ZFHX4: variants seen among roughly 807,000 people sequenced by gnomAD.
ZFHX4 encodes the protein zinc finger homeobox protein 4.
In ZFHX4, 56 loss-of-function variants were observed where a neutral mutation model predicts 267.6. The ratio of observed to expected loss-of-function variants is 0.21; its 90% confidence interval spans 0.17 to 0.26. ZFHX4 has a LOEUF of 0.26. ZFHX4 is among the 10% of genes least tolerant of loss of function. The probability of loss-of-function intolerance (pLI) is 1.00; values close to 1 mark genes in which losing one functional copy is unlikely to be tolerated. For synonymous variants in ZFHX4, 1,778 were observed against 1,665.6 expected, an observed-to-expected ratio of 1.07 and a Z score of -1.64; for missense variants, 4,332 against 4,420.0, an observed-to-expected ratio of 0.98 and a Z score of 0.56.
chr8:76,753,745 C>T (rs57903130), intron 3 of ZFHX4, among the ~76,000 whole-genome samples: 42,144 of 150,932 alleles, frequency 0.28, 8,072 homozygotes, highest in African/African-American at 0.54. Flanking sequence ...TCATCTCAGC[C>T]TCCTGAGTAG....
intron 10 of ZFHX4, among the ~76,000 whole-genome samples, chr8:76,862,857 T>C (rs1450407305): frequency 2.6e-5 from 4 of 152,172 alleles, no homozygotes; most frequent in Non-Finnish European, 5.9e-5. Flanking sequence ...TGCTAAAATA[T>C]GCAGCTTACA....
At chr8:76,841,625 T>C (rs1400784132) in intron 5 of ZFHX4, among the ~76,000 whole-genome samples, 1 of 152,204 alleles carries the variant, frequency 6.6e-6, no homozygotes, top group Non-Finnish European at 1.5e-5. Flanking sequence ...GGTTAATTTA[T>C]ATGGTCATTA....
intron 4 of ZFHX4, among the ~76,000 whole-genome samples, chr8:76,803,846 A>G (rs1463664712): frequency 6.6e-6 from 1 of 152,162 alleles, no homozygotes; most frequent in East Asian, 1.9e-4. Context: ...AAAGATAGTA[A>G]GTATATATCA....
chr8:76,748,646 G>C (rs113822827), intron 3 of ZFHX4, among the ~76,000 whole-genome samples: 4,929 of 152,170 alleles, frequency 0.032, 111 homozygotes, highest in Non-Finnish European at 0.046. Context: ...ATGTTGCCCA[G>C]GTTGGCCTCA....
rs1811259342 is a variant in ZFHX4, at chr8:76,806,897, G to A, written c.3326-26441G>A. Among the ~76,000 whole-genome samples the A allele has an allele frequency of 2.0e-5, 3 of 151,896 alleles. No homozygotes were observed. In the South Asian group the frequency reaches 6.2e-4, roughly 32 times the overall value. On this transcript the variant is annotated intron_variant, in intron 4 of 10. Coordinates refer to ENST00000651372, the MANE Select transcript of ZFHX4 (RefSeq NM_024721.5). The stretch of plus-strand genomic sequence containing the variant: ...AAGTGAATCCCCTATTTGAGATTTG[G>A]GATTCACCTTGGGACTGAATAGTGC...
At chr8:76,828,381 A>C (rs1462629806) in intron 4 of ZFHX4, among the ~76,000 whole-genome samples, 1 of 152,120 alleles carries the variant, frequency 6.6e-6, no homozygotes, top group Non-Finnish European at 1.5e-5. Context: ...CTTTGGAGTC[A>C]GACACTCATT....
chr8:76,840,050 A>T (rs966053094), intron 5 of ZFHX4, among the ~76,000 whole-genome samples: 1 of 152,152 alleles, frequency 6.6e-6, no homozygotes, highest in African/African-American at 2.4e-5. Flanking sequence ...TATTTTTTGC[A>T]TGATTAAAAA....
At chr8:76,702,936 A>G (rs1285714374) in intron 1 of ZFHX4, among the ~76,000 whole-genome samples, 3 of 151,750 alleles carry the variant, frequency 2.0e-5, no homozygotes, top group Non-Finnish European at 2.9e-5. Context: ...TCAAACTGCT[A>G]TTACAGTAGC....
chr8:76,819,435 G>T (rs1279193629), intron 4 of ZFHX4, among the ~76,000 whole-genome samples: 1 of 152,022 alleles, frequency 6.6e-6, no homozygotes. Flanking sequence ...AGGGTGTCTT[G>T]CACCTAGTAA....
At chr8:76,805,341 G>T (rs1173629117) in intron 4 of ZFHX4, among the ~76,000 whole-genome samples, 2 of 152,010 alleles carry the variant, frequency 1.3e-5, no homozygotes, top group Non-Finnish European at 2.9e-5. Flanking sequence ...TGAGGTTGTT[G>T]TAAAGGATAA....
rs185517348 is a variant in ZFHX4, at chr8:76,699,372, T to G, written c.-46-4671T>G. ...GCATTTGCTGTCCTTCTTGCTAATG[T>G]TTTTAATACTGCAGTGGAGAAAAAG... is the stretch of plus-strand genomic sequence containing the variant. On this transcript the variant is annotated intron_variant, in intron 1 of 10. Coordinates refer to ENST00000651372, the MANE Select transcript of ZFHX4 (RefSeq NM_024721.5). Among the ~76,000 whole-genome samples, 25 of 152,268 alleles carry G rather than the reference T, an allele frequency of 1.6e-4. 1 individual carries two copies. The highest frequency in any genetic ancestry group is 2.9e-5 in the Non-Finnish European group (2 of 67,998).
chr8:76,738,112 T>C (rs947532574), intron 3 of ZFHX4, among the ~76,000 whole-genome samples: 3 of 152,164 alleles, frequency 2.0e-5, no homozygotes, highest in Admixed American at 6.5e-5. Flanking sequence ...GAGGAAGGCT[T>C]TGTGAAAGTG....
chr8:76,797,457 A>C (rs16939365), intron 4 of ZFHX4, among the ~76,000 whole-genome samples: 5,263 of 152,270 alleles, frequency 0.035, 216 homozygotes, highest in East Asian at 0.18. Context: ...GTTTTTCAAT[A>C]ATATTATGGG....
At chr8:76,782,315 G>A (rs1810572708) in intron 4 of ZFHX4, 1 of 272,956 alleles carries the variant, frequency 3.7e-6, no homozygotes, top group South Asian at 3.2e-5. Flanking sequence ...ACAGCCACAT[G>A]TGGACTCTAC....
intron 1 of ZFHX4, among the ~76,000 whole-genome samples, chr8:76,692,975 AT>A (rs1248181117): frequency 6.6e-6 from 1 of 152,172 alleles, no homozygotes; most frequent in Non-Finnish European, 1.5e-5. Flanking sequence ...AAGACAAAGC[AT>A]TTTTTAATAT....
chr8:76,835,215 A>ATATG (rs1563548926), intron 5 of ZFHX4, among the ~76,000 whole-genome samples: 1 of 104,346 alleles, frequency 9.6e-6, no homozygotes, highest in African/African-American at 5.0e-5. Flanking sequence ...TGGTGTATAT[A>ATATG]TATGTATATA....
At chr8:76,716,838 C>T (rs1023349766) in intron 3 of ZFHX4, among the ~76,000 whole-genome samples, 17 of 152,118 alleles carry the variant, frequency 1.1e-4, no homozygotes, top group African/African-American at 3.1e-4. Flanking sequence ...CTTTTACTGG[C>T]ATGTTTGGGT....
chr8:76,850,326 G>C lies in ZFHX4; in HGVS notation c.3928G>C (p.Ala1310Pro). 6.2e-7 allele frequency: 1 copy of C among 1,612,930 alleles called. No individual in the cohort carries two copies. The highest frequency in any genetic ancestry group is 8.5e-7 in the Non-Finnish European group (1 of 1,179,552). The change falls in exon 9 of 11, where the codon GCA (alanine) becomes CCA (proline). Residue 1310 changes from alanine (A) to proline (P), a missense_variant. Around this residue, in one of 7 missense-constraint regions of ZFHX4, gnomAD observed 1,371 missense variants for 1,423.1 expected, o/e 0.96. Coordinates refer to ENST00000651372, the MANE Select transcript of ZFHX4 (RefSeq NM_024721.5). ...ASEKSERDTP[A>P]AVTAEGSGKY... ...TGAGAAATCAGAGCGGGACACACCT[G>C]CAGCCGTGACAGCTGAGGGGTCTGG... is the stretch of plus-strand genomic sequence containing the variant.
intron 4 of ZFHX4, among the ~76,000 whole-genome samples, chr8:76,788,281 A>G (rs150341068): frequency 6.6e-6 from 1 of 152,286 alleles, no homozygotes; most frequent in Non-Finnish European, 1.5e-5. Context: ...TTCTTTGCTT[A>G]ACAATCCTCA....
Sources: allele counts gnomAD v4.1 joint callset (sites outside exome capture counted in the v4.1 genomes callset), GRCh38; gene constraint gnomAD v4.1.1; regional missense constraint gnomAD v4.1.1; transcripts MANE v1.5; gene names NCBI Gene and HGNC (gene_info 2026-07-23, HGNC 2026-07-21).